The following CPNE4 variants were observed in gnomAD, a reference collection of about 807,000 sequenced individuals.
The protein encoded by CPNE4 is copine-4.
In CPNE4, 25 loss-of-function variants were observed where a neutral mutation model predicts 67.9. The observed-to-expected ratio is 0.37, with a 90% confidence interval of 0.27 to 0.51. The LOEUF is 0.51. Among genes scored for constraint, CPNE4 ranks in the 20% least tolerant of loss-of-function variants. The pLI is 0.93. For synonymous variants in CPNE4, 242 were observed against 244.9 expected, an observed-to-expected ratio of 0.99 and a Z score of 0.11; for missense variants, 464 against 690.8, an observed-to-expected ratio of 0.67 and a Z score of 3.68.
chr3:131,638,238 T>A (rs1409416293), intron 7 of CPNE4, among the ~76,000 whole-genome samples: 1 of 152,130 alleles, frequency 6.6e-6, no homozygotes, highest in Admixed American at 6.5e-5. Flanking sequence ...ACTTAAAAGA[T>A]ACAGAATGCC....
intron 7 of CPNE4, among the ~76,000 whole-genome samples, chr3:131,628,191 A>ACTGC (rs1436209265): frequency 6.6e-5 from 10 of 152,204 alleles, no homozygotes; most frequent in Non-Finnish European, 1.5e-4. Flanking sequence ...GCAGCCATCA[A>ACTGC]CATTGAGGCA....
chr3:131,646,064 C>T (rs369216690), intron 7 of CPNE4, among the ~76,000 whole-genome samples: 1 of 151,980 alleles, frequency 6.6e-6, no homozygotes, highest in Non-Finnish European at 1.5e-5. Flanking sequence ...TCACTAAGGA[C>T]ACAAACTGCT....
At chr3:131,921,395 T>C (rs937277783) in intron 1 of CPNE4, among the ~76,000 whole-genome samples, 39 of 152,172 alleles carry the variant, frequency 2.6e-4, no homozygotes, top group African/African-American at 9.4e-4. Context: ...ATTCAACTTA[T>C]TGATTACCTA....
chr3:131,901,721 A>T (rs1164889954), intron 2 of CPNE4, among the ~76,000 whole-genome samples: 1 of 152,056 alleles, frequency 6.6e-6, no homozygotes. Flanking sequence ...CTTCTGCTGG[A>T]TGGCCCAGCT....
chr3:131,761,835 ATT>A (rs1399067406), intron 2 of CPNE4, among the ~76,000 whole-genome samples: 3 of 152,182 alleles, frequency 2.0e-5, no homozygotes, highest in Non-Finnish European at 4.4e-5. Context: ...ATATCAGGGC[ATT>A]TCTCAAAAAT....
intron 11 of CPNE4, among the ~76,000 whole-genome samples, chr3:131,559,295 T>C (rs1291475499): frequency 1.3e-5 from 2 of 152,042 alleles, no homozygotes; most frequent in Non-Finnish European, 2.9e-5. Context: ...TCCATACACT[T>C]ATTTATAAGA....
At chr3:131,607,587 A>C (rs930630146) in intron 7 of CPNE4, among the ~76,000 whole-genome samples, 1 of 152,170 alleles carries the variant, frequency 6.6e-6, no homozygotes, top group Non-Finnish European at 1.5e-5. Context: ...CCAAGTTTCT[A>C]TCTAAATCCA....
chr3:131,852,887 C>T (rs534036170), intron 2 of CPNE4, among the ~76,000 whole-genome samples: 10 of 150,720 alleles, frequency 6.6e-5, no homozygotes, highest in Admixed American at 4.6e-4. Flanking sequence ...AATAAAATAC[C>T]TAGGGATAAT....
rs147538858 is a variant in CPNE4, at chr3:131,613,730, T to C, written c.682-26148A>G. On this transcript the variant is annotated intron_variant, in intron 7 of 15. Transcript: ENST00000429747. ...CTGTAACCTAGTTCAGCTGAAAAAT[T>C]TGGACACCTCATCACTGCTAAACAG... Among the ~76,000 whole-genome samples, 730 of 152,220 alleles carry C rather than the reference T, an allele frequency of 4.8e-3. 6 individuals carry two copies. Among genetic ancestry groups the C allele is most frequent in the African/African-American group, 0.016 (668 of 41,516 alleles).
chr3:131,587,373 T>C (rs1351010614), intron 8 of CPNE4, 111 bp downstream of exon 8: 9 of 721,270 alleles, frequency 1.2e-5, no homozygotes, highest in Middle Eastern at 2.4e-4. Context: ...TCCCTTCTTA[T>C]CACACTTAAT....
intron 2 of CPNE4, among the ~76,000 whole-genome samples, chr3:131,876,177 T>A (rs1369650061): frequency 1.3e-5 from 2 of 151,716 alleles, no homozygotes; most frequent in African/African-American, 2.4e-5. Flanking sequence ...AGGCGGAGGT[T>A]ACAGTGAGCC....
At chr3:131,759,603 T>C (rs767827964) in intron 2 of CPNE4, among the ~76,000 whole-genome samples, 6 of 104,748 alleles carry the variant, frequency 5.7e-5, no homozygotes, top group African/African-American at 1.4e-4. Context: ...GAAGTCATCT[T>C]ACAAGAAAAA....
chr3:131,632,458 T>C (rs1037420672), intron 7 of CPNE4, among the ~76,000 whole-genome samples: 3 of 152,106 alleles, frequency 2.0e-5, no homozygotes, highest in African/African-American at 7.2e-5. Flanking sequence ...CCAACACCAC[T>C]CTGTTGAAAT....
At chr3:131,864,803 T>G (rs1313340996) in intron 2 of CPNE4, among the ~76,000 whole-genome samples, 1 of 152,104 alleles carries the variant, frequency 6.6e-6, no homozygotes, top group African/African-American at 2.4e-5. Context: ...AAGGGAATGC[T>G]TCCAGTTTTT....
chr3:131,712,864 T>C (rs2081592634), intron 3 of CPNE4, among the ~76,000 whole-genome samples: 1 of 152,184 alleles, frequency 6.6e-6, no homozygotes, highest in African/African-American at 2.4e-5. Context: ...GCCATGGAGA[T>C]AGCGATCTAA....
At chr3:132,006,671 G>C (rs1026916461) in intron 1 of CPNE4, among the ~76,000 whole-genome samples, 1 of 145,214 alleles carries the variant, frequency 6.9e-6, no homozygotes, top group African/African-American at 2.5e-5. Flanking sequence ...TTTTGTTGTT[G>C]TTCTCTGGGC....
At chr3:131,887,167 T>G (rs9831019) in intron 2 of CPNE4, among the ~76,000 whole-genome samples, 1 of 152,134 alleles carries the variant, frequency 6.6e-6, no homozygotes, top group South Asian at 2.1e-4. Flanking sequence ...GGGGACAGTT[T>G]CCCCCATACT....
chr3:131,803,329 C>T (rs1344428971), intron 2 of CPNE4, among the ~76,000 whole-genome samples: 1 of 152,176 alleles, frequency 6.6e-6, no homozygotes, highest in Non-Finnish European at 1.5e-5. Context: ...TGCTAACTCT[C>T]TTCCCTTTCT....
At chr3:131,546,925 T>G (rs918553472) in intron 14 of CPNE4, among the ~76,000 whole-genome samples, 1 of 152,198 alleles carries the variant, frequency 6.6e-6, no homozygotes, top group African/African-American at 2.4e-5. Flanking sequence ...ATTTTTTAAG[T>G]CTATTTTATA....
Sources: gnomAD v4.1 joint callset for allele counts (sites outside exome capture counted in the v4.1 genomes callset) on GRCh38, gnomAD v4.1.1 for gene constraint, MANE v1.5 for transcripts, NCBI Gene and HGNC (gene_info 2026-07-23, HGNC 2026-07-21) for gene names.